The following POM121 variants were observed in gnomAD, a reference collection of about 807,000 sequenced individuals.
POM121 encodes the protein POM121 transmembrane nucleoporin.
Under a neutral mutation model 81.3 loss-of-function variants are expected in POM121, and 32 were observed. The observed-to-expected ratio is 0.39, with a 90% CI of 0.30 to 0.53. The LOEUF is 0.53. Ranked by LOEUF, POM121 falls within the 20% of genes least tolerant of loss-of-function variation. The probability of loss-of-function intolerance (pLI) is 0.66; values close to 1 mark genes in which losing one functional copy is unlikely to be tolerated. For missense variants in POM121, 1,138 were observed against 1,614.6 expected (o/e 0.70, Z 5.06); for synonymous variants, 514 against 694.2 (o/e 0.74, Z 4.08).
downstream of POM121, chr7:72,949,893 G>C (rs1797948446): frequency 8.1e-6 from 13 of 1,608,216 alleles, no homozygotes; most frequent in Non-Finnish European, 1.1e-5. Context: ...TTATTGCCTG[G>C]GGTGGCACAG....
chr7:72,948,668 G>C (rs2353055), downstream of POM121: 23 of 1,604,696 alleles, frequency 1.4e-5, no homozygotes, highest in Admixed American at 3.3e-5. Flanking sequence ...ACTCACTCAC[G>C]TCGGCATCTC....
rs1797697081 is a variant in POM121 at position 72,946,420 on chromosome 7, G to A, written c.*186G>A. 4 of 1,422,702 alleles carry A rather than the reference G, an allele frequency of 2.8e-6. No individual in the cohort carries two copies. The highest frequency in any genetic ancestry group is 6.0e-5 in the Admixed American group (2 of 33,612). The allele number at this position is 1,422,702 out of a possible 1,614,324, so 88.1% of individuals were successfully genotyped here. A position where few individuals can be genotyped will look rare whatever the true frequency, so the allele number is the denominator to read the frequency against. ...TTCTGGAGGAAGCACAAGCCTCAGG[G>A]AAGGGGAAGCAGGATGCGGAGGGCC... On this transcript the variant is annotated 3_prime_UTR_variant, in exon 13 of 13. Transcript: ENST00000434423.
chr7:72,919,704 A>C (rs1554495645), intron 4 of POM121, among the ~76,000 whole-genome samples: 1 of 151,918 alleles, frequency 6.6e-6, no homozygotes, highest in Non-Finnish European at 1.5e-5. Flanking sequence ...CTGGTCTCGA[A>C]CTCTGAGGCT....
At chr7:72,922,699 A>G (rs1794928109), upstream of POM121, among the ~76,000 whole-genome samples, 1 of 151,974 alleles carries the variant, frequency 6.6e-6, no homozygotes, top group Non-Finnish European at 1.5e-5. Flanking sequence ...CAGAAGTGCT[A>G]ACTTTTAATG....
In POM121 at chr7:72,926,295, A is replaced by G. The variant is rs2129577850; in HGVS notation, c.678A>G (p.Ile226Met). The change falls in exon 2 of 13, where the codon ATA (isoleucine) becomes ATG (methionine). Residue 226 changes from isoleucine (I) to methionine (M), a missense_variant. Transcript: ENST00000434423. The part of the protein sequence containing the change: ...DCGTLPNRFV[I>M]TPRRRYPIHQ... ...GGACTTTACCAAATCGGTTTGTAATAACACCTAGAAGACGCTATCCGATCC... is the reference window on the plus strand; with the variant it reads ...GGACTTTACCAAATCGGTTTGTAATGACACCTAGAAGACGCTATCCGATCC... 6.3e-7 allele frequency: 1 copy of G among 1,579,058 alleles called. No homozygotes were observed. The highest frequency in any genetic ancestry group is 1.4e-5 in the African/African-American group (1 of 74,040).
downstream of POM121, chr7:72,950,393 C>G (rs1257528813): frequency 5.0e-6 from 3 of 605,396 alleles, no homozygotes; most frequent in South Asian, 6.0e-5. Flanking sequence ...CTACTGTTTA[C>G]CAGCAGTGGG....
At chr7:72,890,704 A>G in exon 2 of POM121, 1 of 1,601,866 alleles carries the variant, frequency 6.2e-7, no homozygotes, top group Admixed American at 1.7e-5. Flanking sequence ...ATGAGAAGAT[A>G]ACATACGGGG....
chr7:72,945,549 C>A (rs1554502960), intron 11 of POM121, 37 bp from the exon 12 acceptor site: 2 of 1,612,276 alleles, frequency 1.2e-6, no homozygotes, highest in Non-Finnish European at 1.7e-6. Flanking sequence ...CCTCTGCCCT[C>A]TGCTCACTGG....
At chr7:72,944,782 T>C (rs1283618280) in intron 11 of POM121, among the ~76,000 whole-genome samples, 2 of 150,594 alleles carry the variant, frequency 1.3e-5, no homozygotes, top group African/African-American at 4.9e-5. Flanking sequence ...GCAGGAGTGG[T>C]GGCAGGGGTC....
intron 4 of POM121, among the ~76,000 whole-genome samples, chr7:72,916,647 A>G (rs1794316410): frequency 6.6e-6 from 1 of 152,194 alleles, no homozygotes; most frequent in African/African-American, 2.4e-5. Flanking sequence ...TTGGCTATAC[A>G]GGCTCGTTTT....
chr7:72,893,986 T>A (rs1791590458), intron 3 of POM121, among the ~76,000 whole-genome samples: 1 of 151,926 alleles, frequency 6.6e-6, no homozygotes, highest in Non-Finnish European at 1.5e-5. Context: ...AGAGACAAGG[T>A]CTCGGCCGGG....
At chr7:72,935,377 G>A (rs1554499273) in intron 5 of POM121, among the ~76,000 whole-genome samples, 3 of 152,128 alleles carry the variant, frequency 2.0e-5, no homozygotes, top group Admixed American at 1.3e-4. Flanking sequence ...GTCTCACTAT[G>A]TTGCCTAGGC....
intron 1 of POM121, among the ~76,000 whole-genome samples, chr7:72,884,936 A>G (rs1308166472): frequency 6.6e-6 from 1 of 152,128 alleles, no homozygotes; most frequent in Non-Finnish European, 1.5e-5. Context: ...TATCTAAACT[A>G]TAGTTCATTT....
At chr7:72,889,738 G>A (rs560356023) in intron 1 of POM121, among the ~76,000 whole-genome samples, 15 of 152,174 alleles carry the variant, frequency 9.9e-5, no homozygotes, top group South Asian at 6.2e-4. Flanking sequence ...ACCTGGTCTC[G>A]AACTCCTGAG....
chr7:72,882,088 C>T (rs1321688110), intron 1 of POM121, among the ~76,000 whole-genome samples: 2 of 152,210 alleles, frequency 1.3e-5, no homozygotes, highest in African/African-American at 4.8e-5. Flanking sequence ...GACTGATATT[C>T]TTGGCAGTCA....
At position 72,930,039 on chromosome 7, in the gene POM121, C is replaced by T. The variant is rs782014645; in HGVS notation, c.1203C>T (p.Tyr401=). The T allele has an allele frequency of 2.3e-5, 37 of 1,613,860 alleles. No homozygotes were observed. The highest frequency in any genetic ancestry group is 3.3e-5 in the Admixed American group (2 of 59,996). The change falls in exon 5 of 13, where the codon TAC becomes TAT. Residue 401 remains tyrosine, a synonymous_variant. Transcript: ENST00000434423. The stretch of plus-strand genomic sequence containing the variant: ...CCATGAGCTCCTTGACAGGCGCTTA[C>T]GCAAGTGGCATCCCTAGCTCCAGCC... The part of the protein sequence containing the change: ...SSSMSSLTGA[Y]ASGIPSSSRN...
At chr7:72,894,365 G>T (rs1791638620) in intron 3 of POM121, among the ~76,000 whole-genome samples, 1 of 152,020 alleles carries the variant, frequency 6.6e-6, no homozygotes, top group Admixed American at 6.6e-5. Flanking sequence ...ATCACCTGAG[G>T]TCAGAAGTTC....
Position 72,946,123 on chromosome 7 carries a change from T to G in POM121, c.3653-14T>G. 1.2e-6 allele frequency: 2 copies of G among 1,611,448 alleles called. No individual in the cohort carries two copies. Among genetic ancestry groups the G allele is most frequent in the South Asian group, 1.1e-5 (1 of 90,954 alleles). On this transcript the variant is annotated splice_polypyrimidine_tract_variant and intron_variant, in intron 12 of 12. Coordinates refer to ENST00000434423, the MANE Select transcript of POM121 (RefSeq NM_001387691.1). Reference sequence around the variant, plus strand: ...TAGCAGCTGCCCTGATGAGGTCTTGTTGAATCTTTCCAGGATCGGCGGCCC... The same window carrying G: ...TAGCAGCTGCCCTGATGAGGTCTTGGTGAATCTTTCCAGGATCGGCGGCCC...
At chr7:72,944,271 C>G (rs1399928470) in intron 11 of POM121, among the ~76,000 whole-genome samples, 8 of 151,978 alleles carry the variant, frequency 5.3e-5, no homozygotes, top group East Asian at 1.9e-4. Flanking sequence ...CTTAAGTGTT[C>G]AGGAAAACCA....
Sources: allele counts gnomAD v4.1 joint callset (sites outside exome capture counted in the v4.1 genomes callset), GRCh38; gene constraint gnomAD v4.1.1; transcripts MANE v1.5; gene names NCBI Gene and HGNC (gene_info 2026-07-23, HGNC 2026-07-21).